KCNAB2: variants seen among roughly 807,000 people sequenced by gnomAD.
KCNAB2 encodes voltage-gated potassium channel subunit beta-2.
In KCNAB2, 29 loss-of-function variants were observed where a neutral mutation model predicts 63.6. That is an observed-to-expected ratio of 0.46 (90% confidence interval 0.34 to 0.62). The LOEUF is 0.62. KCNAB2 is among the 20% of genes least tolerant of loss of function. The pLI is 0.01. For missense variants in KCNAB2, 359 were observed against 563.9 expected (o/e 0.64, Z 3.68); for synonymous variants, 222 against 224.2 (o/e 0.99, Z 0.09).
chr1:6,038,883 A>G (rs1482261170), intron 1 of KCNAB2, among the ~76,000 whole-genome samples: 1 of 152,342 alleles, frequency 6.6e-6, no homozygotes, highest in East Asian at 1.9e-4. Flanking sequence ...GGCTGTTTTG[A>G]GCCCAGACCA....
chr1:6,016,495 A>G (rs1306794400), intron 1 of KCNAB2, among the ~76,000 whole-genome samples: 3 of 152,252 alleles, frequency 2.0e-5, no homozygotes. Context: ...TAGACCGTGG[A>G]GCCAAGTACT....
intron 1 of KCNAB2, among the ~76,000 whole-genome samples, chr1:6,017,361 G>A (rs1169179347): frequency 1.3e-5 from 2 of 152,006 alleles, no homozygotes; most frequent in East Asian, 3.9e-4. Flanking sequence ...TCCCATCTCG[G>A]CCTCCCAGGT....
chr1:6,059,650 CAGA>C (rs1365748098), intron 2 of KCNAB2, among the ~76,000 whole-genome samples: 3 of 152,158 alleles, frequency 2.0e-5, no homozygotes, highest in African/African-American at 4.8e-5. Flanking sequence ...CTTCTGAGGA[CAGA>C]AGGAGGAAGA....
Position 6,085,181 on chromosome 1 carries a change from G to A in KCNAB2, c.381-23G>A, listed in dbSNP as rs765682344. ...TGATTTTTCTGTTTGGCTGTGATGAGAGCTCGGTGTCTTGTTTTGCAGGGC... is the reference window on the plus strand; with the variant it reads ...TGATTTTTCTGTTTGGCTGTGATGAAAGCTCGGTGTCTTGTTTTGCAGGGC... On this transcript the variant is annotated intron_variant, in intron 5 of 15. Coordinates refer to ENST00000378083, the MANE Select transcript of KCNAB2 (RefSeq NM_001199862.2). 7 of 1,613,714 alleles carry A rather than the reference G, an allele frequency of 4.3e-6. No homozygotes were observed. In the Admixed American group the frequency reaches 1.0e-4, roughly 23 times the overall value.
At chr1:6,043,978 A>G (rs994879986), upstream of KCNAB2, among the ~76,000 whole-genome samples, 16 of 152,304 alleles carry the variant, frequency 1.1e-4, no homozygotes, top group African/African-American at 2.4e-4. Context: ...CATGTCCTCC[A>G]TCTTCCCATG....
chr1:6,017,355 A>G (rs1016771842), intron 1 of KCNAB2, among the ~76,000 whole-genome samples: 2 of 151,918 alleles, frequency 1.3e-5, no homozygotes, highest in Non-Finnish European at 2.9e-5. Flanking sequence ...CCATCCTCCC[A>G]TCTCGGCCTC....
Position 6,085,236 on chromosome 1 carries a change from A to G in KCNAB2, c.413A>G (p.Lys138Arg), listed in dbSNP as rs771037177. The G allele has an allele frequency of 6.2e-7, 1 of 1,613,994 alleles. No individual in the cohort carries two copies. The highest frequency in any genetic ancestry group is 8.5e-7 in the Non-Finnish European group (1 of 1,179,952). Reference protein sequence around the residue: ...AEVVLGNIIKKKGWRRSSLVI... With the variant: ...AEVVLGNIIKRKGWRRSSLVI... ...GTGGTACTGGGAAACATCATTAAGA[A>G]GAAAGGATGGAGGTAACGGCCCTGC... Residue 138 changes from lysine (K) to arginine (R), a missense_variant, in exon 6 of 16, where the codon AAG becomes AGG. Transcript: ENST00000378083.
upstream of KCNAB2, among the ~76,000 whole-genome samples, chr1:6,045,340 C>G (rs1447633378): frequency 6.6e-6 from 1 of 152,190 alleles, no homozygotes; most frequent in Non-Finnish European, 1.5e-5. The surrounding 1 kb of genome is among the most constrained non-coding windows in gnomAD (Gnocchi z 4.8). Context: ...CCCTGGGGGT[C>G]ATGACCCTGG....
At chr1:6,026,543 A>G (rs908834101) in intron 1 of KCNAB2, 1 of 152,274 alleles carries the variant, frequency 6.6e-6, no homozygotes, top group Non-Finnish European at 1.5e-5. Context: ...GGTCCCCCGT[A>G]ATGTCCAGGG....
chr1:6,033,342 TGTGTGTGTGCGTGTGG>T (rs1344759007), upstream of KCNAB2, among the ~76,000 whole-genome samples: 1 of 131,224 alleles, frequency 7.6e-6, no homozygotes, highest in Admixed American at 8.7e-5. Flanking sequence ...ATTGTGCATG[TGTGTGTGTGCGTGTGG>T]GTGTGTGTGC....
intron 9 of KCNAB2, among the ~76,000 whole-genome samples, chr1:6,090,757 C>T (rs970324854): frequency 1.3e-5 from 2 of 152,204 alleles, no homozygotes; most frequent in Admixed American, 1.3e-4. Flanking sequence ...GTCAGAGCCG[C>T]AGTGGAACTG....
At chr1:6,068,122 T>G (rs1662905965) in intron 2 of KCNAB2, among the ~76,000 whole-genome samples, 1 of 152,270 alleles carries the variant, frequency 6.6e-6, no homozygotes, top group Admixed American at 6.5e-5. Flanking sequence ...ATGTCAGTCC[T>G]AGGATCTCAA....
chr1:6,017,967 C>T (rs1478540890), intron 1 of KCNAB2, among the ~76,000 whole-genome samples: 2 of 152,138 alleles, frequency 1.3e-5, no homozygotes, highest in Non-Finnish European at 2.9e-5. Context: ...GGCGGGAATG[C>T]AATAGTGTGA....
At chr1:6,061,419 T>C (rs1662309437) in intron 2 of KCNAB2, among the ~76,000 whole-genome samples, 2 of 152,160 alleles carry the variant, frequency 1.3e-5, no homozygotes, top group South Asian at 4.1e-4. Context: ...TCCCCACACA[T>C]GAATGTTCCA....
At chr1:6,013,736 G>A (rs1397642023) in intron 1 of KCNAB2, among the ~76,000 whole-genome samples, 2 of 151,916 alleles carry the variant, frequency 1.3e-5, no homozygotes, top group Non-Finnish European at 2.9e-5. Flanking sequence ...CTGTCTCCCC[G>A]CCCTTGCCCA....
rs1409549986 is a variant in KCNAB2, at chr1:6,086,558, TG to T, written c.426-905del. Among the ~76,000 whole-genome samples, 3 of 152,020 alleles carry T rather than the reference TG, an allele frequency of 2.0e-5. No individual in the cohort carries two copies. The highest frequency in any genetic ancestry group is 7.2e-5 in the African/African-American group (3 of 41,414). On this transcript the variant is annotated intron_variant, in intron 6 of 15. Coordinates refer to ENST00000378083, the MANE Select transcript of KCNAB2 (RefSeq NM_001199862.2). The surrounding 1 kb of genome is among the most constrained non-coding windows in gnomAD (Gnocchi z 4.2). ...CCCGGGTGGGAAAGAAGCTCAGCCA[TG>T]GGGCACCAGGAGGTCATTGTCACCC...
rs1447246300 is a variant in KCNAB2 at position 5,994,229 on chromosome 1, TCTG to T, written c.-53+1444_-53+1446del. Reference sequence around the variant, plus strand: ...CCCAGTGCCAAGAGTAAGCTCCTGCTCTGCTAAGGAAGCCGCATTCAGGCCCCG... The same window carrying T: ...CCCAGTGCCAAGAGTAAGCTCCTGCTCTAAGGAAGCCGCATTCAGGCCCCG... On this transcript the variant is annotated intron_variant, in intron 1 of 16. Coordinates refer to the KCNAB2 transcript ENST00000341524. The surrounding 1 kb of genome is among the most constrained non-coding windows in gnomAD (Gnocchi z 5.4). 3.3e-5 allele frequency among the ~76,000 whole-genome samples: 5 copies of T among 152,028 alleles called. No individual in the cohort carries two copies. Among genetic ancestry groups the T allele is most frequent in the African/African-American group, 1.2e-4 (5 of 41,388 alleles).
At chr1:6,095,656 C>G in intron 13 of KCNAB2, 32 bp downstream of exon 13, 2 of 1,598,872 alleles carry the variant, frequency 1.3e-6, no homozygotes, top group Non-Finnish European at 1.7e-6. Context: ...GAGGGACGGG[C>G]AGGGGATAGG....
chr1:6,041,749 C>T, upstream of KCNAB2: 1 of 1,263,846 alleles, frequency 7.9e-7, no homozygotes, highest in African/African-American at 1.5e-5. Context: ...CTGACCTGCA[C>T]CTGCTGGGGT....
Sources: allele counts gnomAD v4.1 joint callset (sites outside exome capture counted in the v4.1 genomes callset), GRCh38; gene constraint gnomAD v4.1.1; non-coding constraint Gnocchi (gnomAD v3.1); transcripts MANE v1.5; gene names NCBI Gene and HGNC (gene_info 2026-07-23, HGNC 2026-07-21).